SGPL1: variants seen among roughly 807,000 people sequenced by gnomAD.
SGPL1 encodes the protein sphingosine-1-phosphate lyase 1, also known as SP-lyase 1.
Under a neutral mutation model 68.9 loss-of-function variants are expected in SGPL1, and 37 were observed. The observed-to-expected ratio is 0.54, with a 90% CI of 0.41 to 0.71. The LOEUF (loss-of-function observed/expected upper bound fraction) is 0.71, where lower values mean the gene tolerates loss of function less well. Ranked by LOEUF, SGPL1 falls within the 30% of genes least tolerant of loss-of-function variation. The probability of loss-of-function intolerance (pLI) is 0.00; values close to 1 mark genes in which losing one functional copy is unlikely to be tolerated. For missense variants in SGPL1, 551 were observed against 704.6 expected (o/e 0.78, Z 2.47); for synonymous variants, 236 against 248.5 (o/e 0.95, Z 0.47).
At position 70,877,328 on chromosome 10, in the gene SGPL1, C is replaced by T. The variant is rs770457439; in HGVS notation, c.1700C>T (p.Pro567Leu). 2.5e-6 allele frequency: 4 copies of T among 1,614,010 alleles called. No homozygotes were observed. The Admixed American group carries it at 5.0e-5, about 20-fold the overall frequency. Residue 567 changes from proline (P) to leucine (L), a missense_variant, in exon 15 of 15, where the codon CCC becomes CTC. Physicochemically the swap from Pro to Leu is moderately conservative, Grantham distance 98. Transcript: ENST00000373202. ...QGSQMNGSPK[P>L]H ...AGCCAGATGAATGGTTCTCCAAAACCCCACTGAACTTGGACCCTTTCTAGT... is the reference window on the plus strand; with the variant it reads ...AGCCAGATGAATGGTTCTCCAAAACTCCACTGAACTTGGACCCTTTCTAGT...
rs1845697897 is a variant in SGPL1, at chr10:70,840,497, A to G, written c.28-3976A>G. Among the ~76,000 whole-genome samples the G allele has an allele frequency of 1.3e-5, 2 of 151,964 alleles. 1 individual carries two copies. The highest frequency in any genetic ancestry group is 4.2e-4 in the South Asian group (2 of 4,810). On this transcript the variant is annotated intron_variant, in intron 2 of 14. Transcript: ENST00000373202. ...GAGCCCAATAATTCAGTGAGCTGTG[A>G]GTGTTGTGAGTTGCATCTACATTGG...
intron 2 of SGPL1, among the ~76,000 whole-genome samples, chr10:70,828,782 T>C (rs1845482095): frequency 6.6e-6 from 1 of 152,224 alleles, no homozygotes; most frequent in African/African-American, 2.4e-5. Context: ...CCATGTTTTT[T>C]GGAGGCTTTC....
chr10:70,818,179 G>A (rs1165471749), intron 2 of SGPL1, among the ~76,000 whole-genome samples: 1 of 152,160 alleles, frequency 6.6e-6, no homozygotes, highest in Non-Finnish European at 1.5e-5. Flanking sequence ...GGAGTGCAAT[G>A]GCACAATCTC....
chr10:70,875,471 T>A lies in SGPL1; in HGVS notation c.1368T>A (p.Arg456=), dbSNP rs1441688240. ...PQLSVIALGS[R]DFDIYRLSNL... ...TGTCAGTCATTGCTCTGGGATCCCG[T>A]GATTTTGACATCTACCGACTATCAA... The change falls in exon 13 of 15, where the codon CGT becomes CGA. Residue 456 remains arginine (R), a synonymous_variant. Coordinates refer to ENST00000373202, the MANE Select transcript of SGPL1 (RefSeq NM_003901.4). The A allele has an allele frequency of 6.2e-7, 1 of 1,613,222 alleles. No homozygotes were observed. The highest frequency in any genetic ancestry group is 1.3e-5 in the African/African-American group (1 of 75,030).
chr10:70,858,294 C>T (rs1845996598), intron 6 of SGPL1, among the ~76,000 whole-genome samples: 1 of 152,066 alleles, frequency 6.6e-6, no homozygotes, highest in African/African-American at 2.4e-5. Flanking sequence ...CATCATGACA[C>T]CCAGCTAATT....
At position 70,861,279 on chromosome 10, in the gene SGPL1, A is replaced by T. The variant is rs10999569; in HGVS notation, c.615+1780A>T. Among the ~76,000 whole-genome samples the T allele has an allele frequency of 1.6e-4, 25 of 152,306 alleles. No individual in the cohort carries two copies. The East Asian group carries it at 4.6e-3, about 28-fold the overall frequency. ...AAAGAGAGGCTAAGAGATGCAAAGG[A>T]TAGGATGAGAAGGCTAACACACATC... is the stretch of plus-strand genomic sequence containing the variant. On this transcript the variant is annotated intron_variant, in intron 7 of 14. Transcript: ENST00000373202.
intron 9 of SGPL1, 146 bp from the exon 10 acceptor site, chr10:70,870,902 G>T: frequency 1.5e-6 from 1 of 658,734 alleles, no homozygotes; most frequent in East Asian, 2.7e-5. Context: ...GTGGTGGGAT[G>T]CAGTCTTCTC....
chr10:70,822,053 A>T (rs1341284842), intron 2 of SGPL1, among the ~76,000 whole-genome samples: 3 of 152,074 alleles, frequency 2.0e-5, no homozygotes, highest in African/African-American at 7.2e-5. Flanking sequence ...TTTATCTGTG[A>T]CCCTTGACTC....
chr10:70,850,177 C>A (rs1338934479), intron 3 of SGPL1, among the ~76,000 whole-genome samples: 1 of 152,130 alleles, frequency 6.6e-6, no homozygotes, highest in Non-Finnish European at 1.5e-5. Context: ...TGTGATTTTT[C>A]AAACTTTTTT....
intron 8 of SGPL1, chr10:70,869,400 A>C (rs1846249188): frequency 6.5e-6 from 1 of 154,550 alleles, no homozygotes; most frequent in East Asian, 1.9e-4. Flanking sequence ...TTGTGCCGGG[A>C]AGCCTTCTTC....
At chr10:70,856,632 G>C (rs539895248) in intron 5 of SGPL1, among the ~76,000 whole-genome samples, 1 of 152,118 alleles carries the variant, frequency 6.6e-6, no homozygotes, top group Non-Finnish European at 1.5e-5. Flanking sequence ...AAAGTCAAAC[G>C]GGCAGCAAGC....
chr10:70,822,115 C>T (rs1443471405), intron 2 of SGPL1, among the ~76,000 whole-genome samples: 1 of 152,136 alleles, frequency 6.6e-6, no homozygotes, highest in Non-Finnish European at 1.5e-5. Flanking sequence ...AAGCAATAAA[C>T]TGAAAGATTG....
chr10:70,819,303 T>C (rs1460654826), intron 2 of SGPL1, among the ~76,000 whole-genome samples: 2 of 152,202 alleles, frequency 1.3e-5, no homozygotes, highest in Non-Finnish European at 2.9e-5. Flanking sequence ...TAGATGCGAG[T>C]GGCCCTAGGC....
At chr10:70,869,661 T>C in intron 8 of SGPL1, 131 bp from the exon 9 acceptor site, 1 of 692,072 alleles carries the variant, frequency 1.4e-6, no homozygotes, top group South Asian at 2.0e-5. Context: ...AGTAGAGCAG[T>C]CTAAACACTT....
intron 7 of SGPL1, among the ~76,000 whole-genome samples, chr10:70,863,100 C>A (rs781643261): frequency 5.3e-5 from 8 of 152,136 alleles, no homozygotes; most frequent in Non-Finnish European, 1.0e-4. Context: ...ACCCTCCCAC[C>A]TCAGCCCCCT....
rs189400341 is a variant in SGPL1 at position 70,839,417 on chromosome 10, T to C, written c.28-5056T>C. 1.6e-3 allele frequency among the ~76,000 whole-genome samples: 247 copies of C among 152,166 alleles called. 2 individuals are homozygous for C. The highest frequency in any genetic ancestry group is 5.7e-3 in the African/African-American group (237 of 41,518). On this transcript the variant is annotated intron_variant, in intron 2 of 14. Transcript: ENST00000373202. ...GAAGGAATGTTTTACTTATAGAAAC[T>C]GTACTGAAACTACTGTTCTATTAAG... is the stretch of plus-strand genomic sequence containing the variant.
intron 7 of SGPL1, among the ~76,000 whole-genome samples, chr10:70,867,479 C>T (rs1846213925): frequency 6.6e-6 from 1 of 151,654 alleles, no homozygotes; most frequent in Non-Finnish European, 1.5e-5. Context: ...AGGAGAATCG[C>T]TTGAACCAGG....
chr10:70,851,612 G>A (rs751252488), intron 4 of SGPL1, among the ~76,000 whole-genome samples: 4 of 152,194 alleles, frequency 2.6e-5, no homozygotes, highest in Non-Finnish European at 4.4e-5. Context: ...TGACTGTATT[G>A]TTAGGTGCTT....
At chr10:70,830,969 A>C (rs544724869) in intron 2 of SGPL1, among the ~76,000 whole-genome samples, 1 of 152,318 alleles carries the variant, frequency 6.6e-6, no homozygotes, top group African/African-American at 2.4e-5. Flanking sequence ...ATGGATCAGG[A>C]ATATCAAATG....
Sources: gnomAD v4.1 joint callset for allele counts (sites outside exome capture counted in the v4.1 genomes callset) on GRCh38, gnomAD v4.1.1 for gene constraint, MANE v1.5 for transcripts, NCBI Gene and HGNC (gene_info 2026-07-23, HGNC 2026-07-21) for gene names.